Variants in NUDCD1 observed in about 807,000 individuals in gnomAD.
NUDCD1 encodes NudC domain containing 1.
In NUDCD1, 60 loss-of-function variants were observed where a neutral mutation model predicts 67.8. The observed-to-expected ratio is 0.88, with a 90% CI of 0.72 to 1.10. NUDCD1 has a LOEUF of 1.10. Ranked by LOEUF, NUDCD1 falls within the 50% of genes least tolerant of loss-of-function variation. The pLI is 0.00. For missense variants in NUDCD1, 643 were observed against 695.0 expected (o/e 0.93, Z 0.84); for synonymous variants, 244 against 230.8 (o/e 1.06, Z -0.52).
chr8:109,312,925 G>A (rs1815290924), intron 2 of NUDCD1, among the ~76,000 whole-genome samples: 1 of 152,164 alleles, frequency 6.6e-6, no homozygotes, highest in South Asian at 2.1e-4. Context: ...AATATGACCA[G>A]GCCAATATAA....
chr8:109,243,063 T>C lies in NUDCD1; in HGVS notation c.1698A>G (p.Leu566=), dbSNP rs745817853. ...AGAGGTTTTTGGTAGTAAGAACAAA[T>C]AATCTCTCATTTGTTGCCTGAAATC... ...ILGFQATNER[L]FVLTTKNLFL... is the part of the protein sequence containing the mutation. Residue 566 remains leucine (L), a synonymous_variant, in exon 10 of 10, where the codon TTA becomes TTG. Transcript: ENST00000239690. The C allele has an allele frequency of 1.2e-6, 2 of 1,608,974 alleles. No individual in the cohort carries two copies. The highest frequency in any genetic ancestry group is 8.5e-7 in the Non-Finnish European group (1 of 1,175,390).
At chr8:109,267,051 C>T (rs556388546) in intron 8 of NUDCD1, among the ~76,000 whole-genome samples, 19 of 152,006 alleles carry the variant, frequency 1.2e-4, no homozygotes, top group Non-Finnish European at 2.4e-4. Flanking sequence ...TCTACATATA[C>T]GTTTATGCAT....
In NUDCD1 at chr8:109,322,407, A is replaced by G; in HGVS notation, c.175T>C (p.Phe59Leu). Reference protein sequence around the residue: ...DQYTLEHMHAFGMYNYLHCDS... With the variant: ...DQYTLEHMHALGMYNYLHCDS... ...CAGTGCAGGTAATTATACATTCCAA[A>G]AGCATGCATGTGTTCCAGTGTATAT... is the stretch of plus-strand genomic sequence containing the variant. Residue 59 changes from phenylalanine to leucine, a missense_variant, in exon 2 of 10, where the codon TTT becomes CTT. Transcript: ENST00000239690. 1 of 1,606,044 alleles carries G rather than the reference A, an allele frequency of 6.2e-7. No individual in the cohort carries two copies. Among genetic ancestry groups the G allele is most frequent in the African/African-American group, 1.3e-5 (1 of 74,926 alleles).
chr8:109,260,789 G>C (rs945400440), intron 8 of NUDCD1, among the ~76,000 whole-genome samples: 1 of 151,518 alleles, frequency 6.6e-6, no homozygotes, highest in Non-Finnish European at 1.5e-5. Context: ...CACATAAATT[G>C]CAATATTTGC....
intron 1 of NUDCD1, among the ~76,000 whole-genome samples, chr8:109,326,713 G>A (rs1035751863): frequency 1.3e-5 from 2 of 152,086 alleles, no homozygotes; most frequent in Non-Finnish European, 2.9e-5. Flanking sequence ...AATACTTACC[G>A]AACCTCAAAA....
At chr8:109,303,808 A>C (rs575048725) in intron 2 of NUDCD1, among the ~76,000 whole-genome samples, 1 of 152,260 alleles carries the variant, frequency 6.6e-6, no homozygotes, top group South Asian at 2.1e-4. Context: ...CCCATCCTAC[A>C]GCACACTTTA....
chr8:109,309,036 G>A (rs1586298726), intron 2 of NUDCD1, among the ~76,000 whole-genome samples: 1 of 150,348 alleles, frequency 6.7e-6, no homozygotes, highest in Admixed American at 6.6e-5. Context: ...GATGTTCAAA[G>A]AAGAATTGGT....
At chr8:109,262,574 T>C (rs946472270) in intron 8 of NUDCD1, among the ~76,000 whole-genome samples, 1 of 152,194 alleles carries the variant, frequency 6.6e-6, no homozygotes, top group South Asian at 2.1e-4. Context: ...GCTGTGGTTA[T>C]TCAGCTCAAA....
At chr8:109,270,566 A>G (rs937776498) in intron 8 of NUDCD1, among the ~76,000 whole-genome samples, 1 of 152,238 alleles carries the variant, frequency 6.6e-6, no homozygotes, top group African/African-American at 2.4e-5. Flanking sequence ...TTTTAAAAAT[A>G]GCATCATCAT....
chr8:109,242,925 T>TA lies in NUDCD1; in HGVS notation c.*83_*84insT. On this transcript the variant is annotated 3_prime_UTR_variant, in exon 10 of 10. Coordinates refer to ENST00000239690, the MANE Select transcript of NUDCD1 (RefSeq NM_032869.4). The stretch of plus-strand genomic sequence containing the variant: ...CAAGATATATTTAGCACATTAAAAC[T>TA]TAAGAGGTTACAGTATAACTGTCCA... 3.8e-6 allele frequency: 3 copies of TA among 781,888 alleles called. No individual in the cohort carries two copies. The Admixed American group carries it at 7.3e-5, about 19-fold the overall frequency. 48.4% of individuals were successfully genotyped at this position (781,888 alleles called of 1,614,324 possible).
At chr8:109,321,560 T>C (rs557782910) in intron 2 of NUDCD1, among the ~76,000 whole-genome samples, 15 of 152,018 alleles carry the variant, frequency 9.9e-5, no homozygotes, top group Non-Finnish European at 2.1e-4. Context: ...TGCAAAAAAG[T>C]AGGAACAAAG....
At chr8:109,282,512 G>A (rs1279063441) in intron 5 of NUDCD1, among the ~76,000 whole-genome samples, 4 of 151,710 alleles carry the variant, frequency 2.6e-5, no homozygotes, top group African/African-American at 9.7e-5. Flanking sequence ...AGGAAAGAAA[G>A]AAAACTAAAA....
At chr8:109,263,238 A>C (rs1178959312) in intron 8 of NUDCD1, among the ~76,000 whole-genome samples, 2 of 152,060 alleles carry the variant, frequency 1.3e-5, no homozygotes, top group Non-Finnish European at 2.9e-5. Context: ...ATGTTTGCAT[A>C]ATGAACAACC....
chr8:109,252,607 G>GTGAA lies in NUDCD1; in HGVS notation c.1300-7130_1300-7127dup, dbSNP rs1378651039. On this transcript the variant is annotated intron_variant, in intron 8 of 9. Transcript: ENST00000239690. ...AGTGTGAGCAACTTCCCTTGTGTCT[G>GTGAA]TGAATGCTAGGTGACAGTTACGGGT... Among the ~76,000 whole-genome samples, 15 of 152,168 alleles carry GTGAA rather than the reference G, an allele frequency of 9.9e-5. 1 individual carries two copies. Among genetic ancestry groups the GTGAA allele is most frequent in the South Asian group, 4.1e-4 (2 of 4,824 alleles).
rs1814263282 is a variant in NUDCD1 at position 109,275,439 on chromosome 8, A to G, written c.1086T>C (p.Ile362=). The G allele has an allele frequency of 1.2e-6, 2 of 1,613,594 alleles. No homozygotes were observed. The highest frequency in any genetic ancestry group is 1.7e-6 in the Non-Finnish European group (2 of 1,179,632). ...NEGLTWPELV[I]GDKQGELIRD... Reference sequence around the variant, plus strand: ...TTATAAGTTCCCCTTGTTTATCTCCAATTACTAGCTCTGGCCAGGTCAGTC... The same window carrying G: ...TTATAAGTTCCCCTTGTTTATCTCCGATTACTAGCTCTGGCCAGGTCAGTC... Residue 362 remains isoleucine (I), a synonymous_variant, in exon 7 of 10, where the codon ATT becomes ATC. Coordinates refer to ENST00000239690, the MANE Select transcript of NUDCD1 (RefSeq NM_032869.4).
At chr8:109,279,702 G>C (rs929379032) in intron 6 of NUDCD1, among the ~76,000 whole-genome samples, 2 of 151,976 alleles carry the variant, frequency 1.3e-5, no homozygotes, top group Non-Finnish European at 2.9e-5. Flanking sequence ...GCAATGGCCT[G>C]GTCTCGGAAA....
rs113883837 is a variant in NUDCD1 at position 109,306,803 on chromosome 8, C to A, written c.274-10234G>T. ...TCAGGCCATCACCAATCATTCTATA[C>A]GACAAATGCTCCTTCTAACAACCCC... On this transcript the variant is annotated intron_variant, in intron 2 of 9. Transcript: ENST00000239690. Among the ~76,000 whole-genome samples, 4 of 152,192 alleles carry A rather than the reference C, an allele frequency of 2.6e-5. No homozygotes were observed. In the South Asian group the frequency reaches 8.3e-4, roughly 32 times the overall value.
chr8:109,325,114 G>A (rs1276811610), intron 1 of NUDCD1, among the ~76,000 whole-genome samples: 1 of 151,778 alleles, frequency 6.6e-6, no homozygotes, highest in Non-Finnish European at 1.5e-5. Flanking sequence ...AATAAACCAG[G>A]TACAGAAAGA....
chr8:109,282,398 G>A (rs1358159629), intron 5 of NUDCD1, among the ~76,000 whole-genome samples: 1 of 152,072 alleles, frequency 6.6e-6, no homozygotes, highest in Non-Finnish European at 1.5e-5. Context: ...TAGGGCTATG[G>A]AAGCAAAGCC....
Sources: allele counts gnomAD v4.1 joint callset (sites outside exome capture counted in the v4.1 genomes callset), GRCh38; gene constraint gnomAD v4.1.1; transcripts MANE v1.5; gene names NCBI Gene and HGNC (gene_info 2026-07-23, HGNC 2026-07-21).